PRH1: variants seen among roughly 807,000 people sequenced by gnomAD.
PRH1 encodes the protein salivary acidic proline-rich phosphoprotein 1/2.
A neutral mutation model predicts 7.9 loss-of-function variants in PRH1; 7 were observed. The ratio of observed to expected loss-of-function variants is 0.89; its 90% CI spans 0.50 to 1.67. The LOEUF is 1.67. Among genes scored for constraint, PRH1 ranks in the 40% most tolerant of loss-of-function variants. PRH1 has a pLI of 0.00. For synonymous variants in PRH1, 45 were observed against 80.8 expected (o/e 0.56, Z 2.38); for missense variants, 109 against 223.6 (o/e 0.49, Z 3.27).
chr12:11,146,350 T>TG (rs1289756652), intron 1 of PRH1, among the ~76,000 whole-genome samples: 2 of 152,140 alleles, frequency 1.3e-5, no homozygotes, highest in Non-Finnish European at 2.9e-5. Flanking sequence ...TGGCAATATT[T>TG]GCCTTAACAT....
chr12:10,989,961 T>A (rs1939850165), intron 1 of PRH1, among the ~76,000 whole-genome samples: 1 of 152,220 alleles, frequency 6.6e-6, no homozygotes, highest in Non-Finnish European at 1.5e-5. Context: ...GTTTTAGTTA[T>A]CTCATCTAAA....
chr12:10,922,162 C>T (rs1289409573), intron 2 of PRH1, among the ~76,000 whole-genome samples: 1 of 152,174 alleles, frequency 6.6e-6, no homozygotes, highest in African/African-American at 2.4e-5. Flanking sequence ...TAGAACAGTA[C>T]CATGTACTAA....
At chr12:10,905,014 T>TA (rs35998107) in intron 2 of PRH1, among the ~76,000 whole-genome samples, 134,773 of 146,488 alleles carry the variant, frequency 0.92, 62,416 homozygotes, top group East Asian at 0.98. Context: ...ATCAAAAAGT[T>TA]AAAAAAAAAA....
intron 1 of PRH1, among the ~76,000 whole-genome samples, chr12:11,132,546 G>C (rs559750799): frequency 7.3e-6 from 1 of 137,138 alleles, no homozygotes; most frequent in African/African-American, 2.6e-5. Context: ...AACTGCATAT[G>C]GAAGCTGATA....
chr12:11,105,895 C>T (rs1945394807), intron 1 of PRH1, among the ~76,000 whole-genome samples: 1 of 150,692 alleles, frequency 6.6e-6, no homozygotes, highest in Non-Finnish European at 1.5e-5. Flanking sequence ...GCCAATAATT[C>T]TTAAAACCTG....
At position 10,974,474 on chromosome 12, in the gene PRH1, C is replaced by T. The variant is rs571586282; in HGVS notation, c.-125-753G>A. On this transcript the variant is annotated intron_variant, in intron 1 of 3. Transcript: ENST00000539853. ...AGGGGAAAGAGAGCAAAGCCAGGGG[C>T]CCAATACTAGCCTCCCAGAGTTACG... 2.4e-4 allele frequency among the ~76,000 whole-genome samples: 36 copies of T among 152,274 alleles called. No homozygotes were observed. In the East Asian group the frequency reaches 6.6e-3, roughly 28 times the overall value.
At chr12:10,933,730 C>G (rs1272693638) in intron 2 of PRH1, among the ~76,000 whole-genome samples, 1 of 152,010 alleles carries the variant, frequency 6.6e-6, no homozygotes, top group Admixed American at 6.6e-5. Context: ...TGGTGTACCT[C>G]AAAGTAGCTG....
At chr12:10,931,209 T>C in intron 2 of PRH1, 4 of 1,513,606 alleles carry the variant, frequency 2.6e-6, no homozygotes, top group Non-Finnish European at 3.5e-6. Flanking sequence ...ATGAGTTTTG[T>C]TCAAATATTC....
At chr12:10,926,486 G>A (rs7297167) in intron 2 of PRH1, among the ~76,000 whole-genome samples, 113,482 of 152,090 alleles carry the variant, frequency 0.75, 44,647 homozygotes, top group East Asian at 0.94. Flanking sequence ...GGACCTTATT[G>A]TAAGTCCAGA....
intron 1 of PRH1, among the ~76,000 whole-genome samples, chr12:11,001,443 T>C (rs117323777): frequency 0.016 from 2,509 of 152,242 alleles, 65 homozygotes; most frequent in Admixed American, 0.068. Context: ...ATTCTCACTT[T>C]AGATGTGCCA....
chr12:11,113,963 C>T lies in PRH1; in HGVS notation n.123+57459G>A, dbSNP rs532392037. 5.3e-5 allele frequency among the ~76,000 whole-genome samples: 8 copies of T among 152,146 alleles called. No homozygotes were observed. In the East Asian group the frequency reaches 1.5e-3, roughly 29 times the overall value. ...GCAAATCAAAACCACAATGAGATAC[C>T]ATCTCATGACAGAATGGTGATCATT... On this transcript the variant is annotated intron_variant and non_coding_transcript_variant, in intron 1 of 4. Transcript: ENST00000541977.
rs1945315845 is a variant in PRH1 at position 11,103,443 on chromosome 12, A to G, written n.124-56255T>C. Among the ~76,000 whole-genome samples, 3 of 152,150 alleles carry G rather than the reference A, an allele frequency of 2.0e-5. No homozygotes were observed. The South Asian group carries it at 6.2e-4, about 32-fold the overall frequency. On this transcript the variant is annotated intron_variant and non_coding_transcript_variant, in intron 1 of 4. Transcript: ENST00000541977. ...TCTGAGCAAACTATCGCAAGGACAG[A>G]AAACCAAACTCCACGTGTTCTCACT... is the stretch of plus-strand genomic sequence containing the variant.
intron 1 of PRH1, chr12:11,077,618 T>C: frequency 7.7e-7 from 1 of 1,302,118 alleles, no homozygotes; most frequent in Non-Finnish European, 1.1e-6. Flanking sequence ...TGGAGCTGCA[T>C]CTTCTTGAGA....
At chr12:11,065,607 T>C (rs1415239633) in intron 1 of PRH1, among the ~76,000 whole-genome samples, 4 of 152,204 alleles carry the variant, frequency 2.6e-5, no homozygotes, top group African/African-American at 7.2e-5. Context: ...ATTACTCTTT[T>C]TTATCTTATT....
chr12:11,099,289 A>G (rs1200647845), intron 1 of PRH1, among the ~76,000 whole-genome samples: 2 of 152,140 alleles, frequency 1.3e-5, no homozygotes, highest in Non-Finnish European at 2.9e-5. Context: ...TCGCAAGTAC[A>G]CTGTTCCCAG....
At chr12:10,903,394 C>T (rs1949750796) in intron 2 of PRH1, among the ~76,000 whole-genome samples, 1 of 151,986 alleles carries the variant, frequency 6.6e-6, no homozygotes, top group African/African-American at 2.4e-5. Flanking sequence ...GATTTAGATA[C>T]CCACTCAATA....
chr12:11,027,708 G>A (rs1332040441), intron 1 of PRH1, among the ~76,000 whole-genome samples: 3 of 152,198 alleles, frequency 2.0e-5, no homozygotes, highest in African/African-American at 4.8e-5. Context: ...TGAGCCAGAT[G>A]ATCCAGCAGG....
chr12:10,914,093 T>C (rs902258114), intron 2 of PRH1, among the ~76,000 whole-genome samples: 7 of 152,148 alleles, frequency 4.6e-5, no homozygotes, highest in Non-Finnish European at 1.0e-4. Context: ...AGAAAAAACA[T>C]TACTGTTTAC....
intron 1 of PRH1, among the ~76,000 whole-genome samples, chr12:11,039,316 T>C (rs1193833880): frequency 1.3e-5 from 2 of 152,232 alleles, no homozygotes. Flanking sequence ...GTGACCAATG[T>C]CAAACAGGAA....
Sources: gnomAD v4.1 joint callset for allele counts (sites outside exome capture counted in the v4.1 genomes callset) on GRCh38, gnomAD v4.1.1 for gene constraint, MANE v1.5 for transcripts, NCBI Gene and HGNC (gene_info 2026-07-23, HGNC 2026-07-21) for gene names.